The following TSPAN12 variants were observed in gnomAD, a reference collection of about 807,000 sequenced individuals.
TSPAN12 encodes the protein tetraspanin 12.
TSPAN12 carries 19 observed loss-of-function variants against 39.2 expected under a neutral mutation model. The ratio of observed to expected loss-of-function variants is 0.49; its 90% confidence interval spans 0.34 to 0.71. The LOEUF is 0.71. Ranked by LOEUF, TSPAN12 falls within the 30% of genes least tolerant of loss-of-function variation. TSPAN12 has a pLI of 0.01. For synonymous variants in TSPAN12, 119 were observed against 124.8 expected (o/e 0.95, Z 0.31); for missense variants, 314 against 359.9 (o/e 0.87, Z 1.03).
chr7:120,856,571 G>A, intron 2 of TSPAN12, 127 bp downstream of exon 2: 2 of 981,798 alleles, frequency 2.0e-6, no homozygotes. Context: ...TTACTTCTCT[G>A]AAAAATAAAG....
chr7:120,841,556 A>G (rs886152023), intron 2 of TSPAN12, among the ~76,000 whole-genome samples: 24 of 152,228 alleles, frequency 1.6e-4, no homozygotes, highest in African/African-American at 5.3e-4. Context: ...TTATGATACA[A>G]CTGAGGAAAG....
intron 4 of TSPAN12, among the ~76,000 whole-genome samples, chr7:120,823,173 C>T (rs1342879729): frequency 2.0e-5 from 3 of 151,850 alleles, no homozygotes; most frequent in Non-Finnish European, 2.9e-5. Context: ...AACAGAGGGT[C>T]TAAAATAAAA....
intron 7 of TSPAN12, among the ~76,000 whole-genome samples, chr7:120,799,052 C>T (rs1793689757): frequency 6.6e-6 from 1 of 152,152 alleles, no homozygotes; most frequent in African/African-American, 2.4e-5. Context: ...TGTGGGGAAT[C>T]TGTTCTATGC....
intron 4 of TSPAN12, among the ~76,000 whole-genome samples, chr7:120,824,315 C>T (rs1178302089): frequency 2.6e-5 from 4 of 151,568 alleles, no homozygotes; most frequent in Admixed American, 2.6e-4. Flanking sequence ...GATGGCACAC[C>T]CCTATAGTCC....
At chr7:120,789,046 T>G in intron 7 of TSPAN12, 149 bp from the exon 8 acceptor site, 2 of 833,464 alleles carry the variant, frequency 2.4e-6, no homozygotes, top group South Asian at 3.2e-5. Flanking sequence ...GGAAAGCTGA[T>G]GAGAAGAAGG....
intron 2 of TSPAN12, among the ~76,000 whole-genome samples, chr7:120,842,779 C>T (rs905006976): frequency 4.0e-5 from 6 of 151,788 alleles, no homozygotes; most frequent in South Asian, 4.2e-4. Context: ...AAATGTATTT[C>T]GATATAATTA....
At chr7:120,836,868 C>T (rs932490068) in intron 4 of TSPAN12, among the ~76,000 whole-genome samples, 8 of 152,186 alleles carry the variant, frequency 5.3e-5, no homozygotes, top group Non-Finnish European at 1.2e-4. Flanking sequence ...TCTAAGCAGC[C>T]TAAGGGAATG....
At chr7:120,815,485 C>G (rs1055831451) in intron 5 of TSPAN12, among the ~76,000 whole-genome samples, 1 of 138,200 alleles carries the variant, frequency 7.2e-6, no homozygotes, top group Admixed American at 7.1e-5. Flanking sequence ...GGCTCTTCCC[C>G]CTTCGATCAA....
At chr7:120,853,796 C>T (rs988880182) in intron 2 of TSPAN12, among the ~76,000 whole-genome samples, 2 of 150,214 alleles carry the variant, frequency 1.3e-5, no homozygotes, top group Admixed American at 6.6e-5. Context: ...ATCGCCTGAA[C>T]CCGGGAGGTG....
At position 120,794,465 on chromosome 7, in the gene TSPAN12, G is replaced by A. The variant is rs562944829; in HGVS notation, c.613-5568C>T. Among the ~76,000 whole-genome samples the A allele has an allele frequency of 1.1e-4, 17 of 152,212 alleles. No homozygotes were observed. In the South Asian group the frequency reaches 3.3e-3, roughly 30 times the overall value. On this transcript the variant is annotated intron_variant, in intron 7 of 7. Transcript: ENST00000222747. ...TCCCAAGATCTGTTTCTTTAAAAGT[G>A]TGTAGCACCACCCCCCATCTCTCTC...
intron 2 of TSPAN12, among the ~76,000 whole-genome samples, chr7:120,854,255 T>C (rs1355952549): frequency 6.6e-6 from 1 of 152,270 alleles, no homozygotes; most frequent in African/African-American, 2.4e-5. Flanking sequence ...AACAAGATTG[T>C]TGGGTCAAAG....
intron 2 of TSPAN12, among the ~76,000 whole-genome samples, chr7:120,849,047 TTG>T (rs1303851881): frequency 6.6e-6 from 1 of 152,236 alleles, no homozygotes; most frequent in East Asian, 1.9e-4. Flanking sequence ...GCCACTCACA[TTG>T]GCTAAATTAT....
chr7:120,824,359 T>C (rs948869469), intron 4 of TSPAN12, among the ~76,000 whole-genome samples: 3 of 151,824 alleles, frequency 2.0e-5, no homozygotes, highest in South Asian at 2.1e-4. Context: ...GGAGAATCGA[T>C]TGAACCTGGG....
chr7:120,821,136 T>G (rs1024031457), intron 4 of TSPAN12, among the ~76,000 whole-genome samples: 1 of 152,136 alleles, frequency 6.6e-6, no homozygotes, highest in Non-Finnish European at 1.5e-5. Context: ...TTTGAAAAAT[T>G]GTTCAATACA....
chr7:120,835,272 G>A (rs539659112), intron 4 of TSPAN12, among the ~76,000 whole-genome samples: 5 of 152,282 alleles, frequency 3.3e-5, no homozygotes, highest in South Asian at 2.1e-4. Flanking sequence ...AATCAGGAAC[G>A]CCGAGGTCTG....
intron 4 of TSPAN12, among the ~76,000 whole-genome samples, chr7:120,820,967 T>G (rs1400572321): frequency 6.6e-6 from 1 of 152,078 alleles, no homozygotes; most frequent in African/African-American, 2.4e-5. Flanking sequence ...TTTAAACATT[T>G]AACACAATTT....
At chr7:120,798,990 T>C (rs1444902600) in intron 7 of TSPAN12, among the ~76,000 whole-genome samples, 2 of 152,188 alleles carry the variant, frequency 1.3e-5, no homozygotes, top group Admixed American at 6.5e-5. Context: ...CTCCTTTTTT[T>C]GGTGCCCCAC....
chr7:120,817,151 G>C (rs962254821), intron 4 of TSPAN12, among the ~76,000 whole-genome samples: 1 of 151,734 alleles, frequency 6.6e-6, no homozygotes, highest in Non-Finnish European at 1.5e-5. Flanking sequence ...AGGTGGGAGG[G>C]TCACTTGAGT....
At chr7:120,789,992 G>T (rs1037165651) in intron 7 of TSPAN12, among the ~76,000 whole-genome samples, 21 of 152,116 alleles carry the variant, frequency 1.4e-4, no homozygotes, top group Admixed American at 1.1e-3. Context: ...TGCACTATGC[G>T]AATGGTACAC....
Sources: allele counts gnomAD v4.1 joint callset (sites outside exome capture counted in the v4.1 genomes callset), GRCh38; gene constraint gnomAD v4.1.1; transcripts MANE v1.5; gene names NCBI Gene and HGNC (gene_info 2026-07-23, HGNC 2026-07-21).